KSR2: variants seen among roughly 807,000 people sequenced by gnomAD.
KSR2 encodes kinase suppressor of ras 2.
Under a neutral mutation model 107.8 loss-of-function variants are expected in KSR2, and 25 were observed. That is an observed-to-expected ratio of 0.23 (90% CI 0.17 to 0.32). KSR2 has a LOEUF of 0.32. Ranked by LOEUF, KSR2 falls within the 10% of genes least tolerant of loss-of-function variation. The probability of loss-of-function intolerance (pLI) is 1.00; values close to 1 mark genes in which losing one functional copy is unlikely to be tolerated. For missense variants in KSR2, 887 were observed against 1,268.9 expected, an observed-to-expected ratio of 0.70 and a Z score of 4.57; for synonymous variants, 480 against 507.0, an observed-to-expected ratio of 0.95 and a Z score of 0.71.
intron 4 of KSR2, among the ~76,000 whole-genome samples, chr12:117,720,548 C>T (rs1887166434): frequency 6.6e-6 from 1 of 152,184 alleles, no homozygotes; most frequent in Admixed American, 6.5e-5. Context: ...GATTGGCATC[C>T]CTGTAAATTT....
chr12:117,524,884 G>T lies in KSR2; in HGVS notation c.2187C>A (p.Cys729Ter). Residue 729 changes from cysteine (C) to a stop codon, truncating the protein, a stop_gained, in exon 14 of 20, where the codon TGC (cysteine) becomes TGA (stop). Transcript: ENST00000339824. LOFTEE classifies it high-confidence loss of function. ...HENVVLFMGA[C>*]MSPPHLAIIT... Reference sequence around the variant, plus strand: ...TGATGGCCAGGTGAGGCGGGCTCATGCAGGCACCCATGAAAAGCACCACGT... The same window carrying T: ...TGATGGCCAGGTGAGGCGGGCTCATTCAGGCACCCATGAAAAGCACCACGT... The T allele has an allele frequency of 6.2e-7, 1 of 1,612,912 alleles. No homozygotes were observed. The highest frequency in any genetic ancestry group is 8.5e-7 in the Non-Finnish European group (1 of 1,179,330).
chr12:117,733,976 T>C (rs913979765), intron 4 of KSR2, among the ~76,000 whole-genome samples: 3 of 152,108 alleles, frequency 2.0e-5, no homozygotes, highest in African/African-American at 7.2e-5. Context: ...ACTCAGGCTA[T>C]TGATGAATGT....
intron 4 of KSR2, among the ~76,000 whole-genome samples, chr12:117,675,249 T>C (rs1185997294): frequency 6.6e-6 from 1 of 152,152 alleles, no homozygotes; most frequent in Non-Finnish European, 1.5e-5. Flanking sequence ...CCATCTAGCA[T>C]AAGACAGGGA....
intron 1 of KSR2, among the ~76,000 whole-genome samples, chr12:117,921,047 G>A (rs1382013709): frequency 6.6e-6 from 1 of 152,180 alleles, no homozygotes; most frequent in Non-Finnish European, 1.5e-5. Flanking sequence ...AGAGACCCCA[G>A]CACCTGCATA....
At chr12:117,847,483 T>G (rs2137189316) in intron 3 of KSR2, among the ~76,000 whole-genome samples, 1 of 152,338 alleles carries the variant, frequency 6.6e-6, no homozygotes, top group East Asian at 1.9e-4. Flanking sequence ...GGCACCTGCC[T>G]GTCTGCAGCA....
At chr12:117,527,658 G>A (rs1270898520) in intron 12 of KSR2, among the ~76,000 whole-genome samples, 1 of 152,196 alleles carries the variant, frequency 6.6e-6, no homozygotes, top group African/African-American at 2.4e-5. Context: ...AACAGTGTTA[G>A]GCCCTTGGAG....
intron 1 of KSR2, among the ~76,000 whole-genome samples, chr12:117,891,472 C>A (rs1056158903): frequency 6.6e-6 from 1 of 151,282 alleles, no homozygotes; most frequent in Non-Finnish European, 1.5e-5. Context: ...TGTAGTGACT[C>A]ATGCCTGTAA....
intron 14 of KSR2, among the ~76,000 whole-genome samples, chr12:117,516,767 T>C (rs1403338767): frequency 6.6e-6 from 1 of 152,164 alleles, no homozygotes; most frequent in Non-Finnish European, 1.5e-5. Context: ...ACATACTGTT[T>C]AGTGAATATA....
At chr12:117,488,410 A>T (rs574910798) in intron 14 of KSR2, among the ~76,000 whole-genome samples, 1 of 152,298 alleles carries the variant, frequency 6.6e-6, no homozygotes, top group African/African-American at 2.4e-5. Flanking sequence ...CCTGCAATGG[A>T]TTGAATGTTT....
intron 14 of KSR2, among the ~76,000 whole-genome samples, chr12:117,509,346 T>C (rs999401481): frequency 3.9e-5 from 6 of 152,010 alleles, no homozygotes; most frequent in African/African-American, 1.5e-4. Context: ...AGCACCGTGT[T>C]TTCCCCTCCA....
At chr12:117,944,133 T>C (rs539121844) in intron 1 of KSR2, among the ~76,000 whole-genome samples, 1 of 152,128 alleles carries the variant, frequency 6.6e-6, no homozygotes, top group African/African-American at 2.4e-5. Context: ...TCCCAGCACT[T>C]TGGGAGGCTG....
At chr12:117,601,139 G>T (rs1373292148) in intron 5 of KSR2, among the ~76,000 whole-genome samples, 1 of 152,152 alleles carries the variant, frequency 6.6e-6, no homozygotes. Flanking sequence ...AAGTTCTTAA[G>T]TTCCTCATAG....
intron 5 of KSR2, among the ~76,000 whole-genome samples, chr12:117,637,499 G>A (rs1165401591): frequency 3.9e-5 from 6 of 152,094 alleles, no homozygotes; most frequent in Admixed American, 3.3e-4. Context: ...AGTTGCAGAT[G>A]TGCAGACTCT....
At chr12:117,700,815 T>C (rs1275037883) in intron 4 of KSR2, among the ~76,000 whole-genome samples, 1 of 152,190 alleles carries the variant, frequency 6.6e-6, no homozygotes, top group East Asian at 1.9e-4. Flanking sequence ...AACATCCTCT[T>C]AGCAGGTTTT....
At chr12:117,569,383 A>G (rs945705836) in intron 7 of KSR2, among the ~76,000 whole-genome samples, 19 of 152,318 alleles carry the variant, frequency 1.2e-4, no homozygotes, top group Admixed American at 5.9e-4. Context: ...CTGTTTACAT[A>G]AAAAGAAGTA....
At chr12:117,888,970 G>C (rs74441050) in intron 1 of KSR2, among the ~76,000 whole-genome samples, 1,725 of 152,130 alleles carry the variant, frequency 0.011, 29 homozygotes, top group African/African-American at 0.04. Flanking sequence ...TGATTAAAAT[G>C]GTAAACATTA....
At chr12:117,941,831 C>T (rs112277678) in intron 1 of KSR2, among the ~76,000 whole-genome samples, 83 of 127,586 alleles carry the variant, frequency 6.5e-4, no homozygotes, top group African/African-American at 2.2e-3. Context: ...TTAGTAGAGA[C>T]GGAGTTTCAC....
At chr12:117,526,140 C>T (rs1443323192) in intron 13 of KSR2, among the ~76,000 whole-genome samples, 1 of 152,206 alleles carries the variant, frequency 6.6e-6, no homozygotes, top group African/African-American at 2.4e-5. Context: ...CCACCCAGCA[C>T]TATTGGATCA....
At chr12:117,939,213 T>C (rs187926334) in intron 1 of KSR2, among the ~76,000 whole-genome samples, 1 of 152,290 alleles carries the variant, frequency 6.6e-6, no homozygotes, top group Non-Finnish European at 1.5e-5. Context: ...ATAGCACTGG[T>C]TGTGCTTAAA....
Sources: allele counts gnomAD v4.1 joint callset (sites outside exome capture counted in the v4.1 genomes callset), GRCh38; gene constraint gnomAD v4.1.1; transcripts MANE v1.5; gene names NCBI Gene and HGNC (gene_info 2026-07-23, HGNC 2026-07-21).